Variants in ECHDC1 observed in about 807,000 individuals in gnomAD.
ECHDC1 encodes the protein ethylmalonyl-CoA decarboxylase.
Under a neutral mutation model 29.7 loss-of-function variants are expected in ECHDC1, and 29 were observed. The observed-to-expected ratio is 0.98, with a 90% confidence interval of 0.73 to 1.33. The LOEUF is 1.33. ECHDC1 is among the 40% of genes most tolerant of loss of function. The pLI, the probability that ECHDC1 is intolerant of heterozygous loss-of-function variation, is 0.00. For missense variants in ECHDC1, 328 were observed against 350.0 expected, an observed-to-expected ratio of 0.94 and a Z score of 0.50; for synonymous variants, 126 against 123.1, an observed-to-expected ratio of 1.02 and a Z score of -0.15.
intron 3 of ECHDC1, among the ~76,000 whole-genome samples, chr6:127,323,292 G>T (rs1309337991): frequency 6.6e-6 from 1 of 151,984 alleles, no homozygotes; most frequent in Non-Finnish European, 1.5e-5. Flanking sequence ...TGACTTGCAG[G>T]TGACATAGCT....
intron 5 of ECHDC1, among the ~76,000 whole-genome samples, chr6:127,298,494 T>C (rs1780794024): frequency 6.6e-6 from 1 of 152,200 alleles, no homozygotes; most frequent in African/African-American, 2.4e-5. Flanking sequence ...CTGAAGCACA[T>C]TCTGGAATCT....
At chr6:127,333,666 TACACACAC>T (rs10523734) in intron 1 of ECHDC1, among the ~76,000 whole-genome samples, 5,120 of 128,074 alleles carry the variant, frequency 0.04, 102 homozygotes, top group South Asian at 0.077. Context: ...CTCTTTCTCT[TACACACAC>T]ACACACACAC....
intron 5 of ECHDC1, among the ~76,000 whole-genome samples, chr6:127,296,272 C>A (rs966108018): frequency 6.6e-6 from 1 of 152,096 alleles, no homozygotes; most frequent in Admixed American, 6.6e-5. Context: ...TGGCTCATTG[C>A]AACCTCCGCC....
chr6:127,300,182 T>A (rs1382490872), intron 5 of ECHDC1, among the ~76,000 whole-genome samples: 1 of 152,148 alleles, frequency 6.6e-6, no homozygotes, highest in Non-Finnish European at 1.5e-5. Flanking sequence ...AGCAAGCATT[T>A]AAAAAAATAA....
At chr6:127,294,159 A>G (rs1047512534) in intron 5 of ECHDC1, among the ~76,000 whole-genome samples, 2 of 152,200 alleles carry the variant, frequency 1.3e-5, no homozygotes, top group African/African-American at 4.8e-5. Context: ...TTGATGTTAC[A>G]AAATTAACAT....
At chr6:127,317,579 A>G (rs1782491725) in intron 3 of ECHDC1, among the ~76,000 whole-genome samples, 1 of 152,162 alleles carries the variant, frequency 6.6e-6, no homozygotes, top group Non-Finnish European at 1.5e-5. Context: ...GACTTAAAGG[A>G]TGTTTAGAAA....
At chr6:127,324,231 GATCT>G (rs1485962155) in intron 3 of ECHDC1, among the ~76,000 whole-genome samples, 1 of 152,068 alleles carries the variant, frequency 6.6e-6, no homozygotes, top group Non-Finnish European at 1.5e-5. Flanking sequence ...TATTGAATTT[GATCT>G]ATCATCTTAA....
chr6:127,290,402 A>G lies in ECHDC1; in HGVS notation c.498-125T>C, dbSNP rs750464011. The G allele has an allele frequency of 8.2e-6, 8 of 978,748 alleles. No individual in the cohort carries two copies. The African/African-American group carries it at 9.8e-5, about 12-fold the overall frequency. The allele number at this position is 978,748 out of a possible 1,614,324, so 60.6% of individuals were successfully genotyped here. ...TTTATAGGTAGGTATATTAAAAACA[A>G]TGTTTGAAAAATATGGCTGTTTCAT... is the stretch of plus-strand genomic sequence containing the variant. On this transcript the variant is annotated intron_variant, in intron 5 of 5. Transcript: ENST00000454859.
At chr6:127,328,369 T>C (rs1463613446) in intron 2 of ECHDC1, among the ~76,000 whole-genome samples, 1 of 152,226 alleles carries the variant, frequency 6.6e-6, no homozygotes, top group Non-Finnish European at 1.5e-5. Flanking sequence ...TGTATTACAG[T>C]TGCCTATAGT....
rs1783887703 is a variant in ECHDC1, at chr6:127,331,048, G to C, written c.-2-18C>G. The C allele has an allele frequency of 5.0e-6, 8 of 1,588,346 alleles. No homozygotes were observed. The highest frequency in any genetic ancestry group is 6.9e-6 in the Non-Finnish European group (8 of 1,161,906). On this transcript the variant is annotated intron_variant, in intron 1 of 5. Coordinates refer to ENST00000454859, the MANE Select transcript of ECHDC1 (RefSeq NM_001002030.2). ...CGCCATTTCTGGAAAACAGAAATAAGTATGCGGTAGTATAGATGAATAGGC... is the reference window on the plus strand; with the variant it reads ...CGCCATTTCTGGAAAACAGAAATAACTATGCGGTAGTATAGATGAATAGGC...
At chr6:127,338,458 T>C (rs866790739) in intron 1 of ECHDC1, among the ~76,000 whole-genome samples, 27 of 152,126 alleles carry the variant, frequency 1.8e-4, no homozygotes, top group African/African-American at 5.8e-4. Context: ...ACCTTTATCA[T>C]GTAGTCTAAG....
chr6:127,332,171 C>T (rs758321230), intron 1 of ECHDC1, among the ~76,000 whole-genome samples: 1 of 152,132 alleles, frequency 6.6e-6, no homozygotes, highest in South Asian at 2.1e-4. Flanking sequence ...AGTCAAAACC[C>T]TTCAAGTAAA....
At chr6:127,295,882 C>G (rs1780555944) in intron 5 of ECHDC1, among the ~76,000 whole-genome samples, 2 of 152,140 alleles carry the variant, frequency 1.3e-5, no homozygotes, top group African/African-American at 2.4e-5. Context: ...AAGTGGAAAT[C>G]TAGTACACGA....
chr6:127,341,975 C>T (rs1200382160), intron 1 of ECHDC1, among the ~76,000 whole-genome samples: 1 of 152,256 alleles, frequency 6.6e-6, no homozygotes, highest in Non-Finnish European at 1.5e-5. Flanking sequence ...ATGCCACCCA[C>T]AACTCTCTCC....
chr6:127,310,165 T>C (rs557055215), intron 5 of ECHDC1, among the ~76,000 whole-genome samples: 1 of 152,280 alleles, frequency 6.6e-6, no homozygotes, highest in South Asian at 2.1e-4. Flanking sequence ...TAAGGTCTAT[T>C]GTACAGAACA....
chr6:127,342,562 G>A, intron 1 of ECHDC1: 1 of 537,088 alleles, frequency 1.9e-6, no homozygotes, highest in Non-Finnish European at 3.2e-6. Flanking sequence ...TCTGTTCCAA[G>A]AGAATGCTAG....
intron 1 of ECHDC1, among the ~76,000 whole-genome samples, chr6:127,333,539 G>A (rs1009567930): frequency 6.6e-6 from 1 of 151,844 alleles, no homozygotes; most frequent in Non-Finnish European, 1.5e-5. Context: ...TGTTGGGTTG[G>A]TGTGCTGCGG....
chr6:127,340,149 A>G (rs2114717670), intron 1 of ECHDC1, among the ~76,000 whole-genome samples: 1 of 152,358 alleles, frequency 6.6e-6, no homozygotes, highest in Admixed American at 6.5e-5. Context: ...TATAATACAT[A>G]TCGTATAAGG....
At chr6:127,328,748 C>T (rs1160494992) in intron 2 of ECHDC1, among the ~76,000 whole-genome samples, 1 of 152,120 alleles carries the variant, frequency 6.6e-6, no homozygotes, top group African/African-American at 2.4e-5. Flanking sequence ...AAAAACAGGC[C>T]GGGTGCAGTG....
Sources: allele counts gnomAD v4.1 joint callset (sites outside exome capture counted in the v4.1 genomes callset), GRCh38; gene constraint gnomAD v4.1.1; transcripts MANE v1.5; gene names NCBI Gene and HGNC (gene_info 2026-07-23, HGNC 2026-07-21).